AMZ1: variants seen among roughly 807,000 people sequenced by gnomAD.
The protein encoded by AMZ1 is archaelysin family metallopeptidase 1, also known as archaemetzincin-1.
In AMZ1, 39 loss-of-function variants were observed where a neutral mutation model predicts 29.9. The observed-to-expected ratio is 1.30, with a 90% CI of 1.01 to 1.70. The LOEUF (loss-of-function observed/expected upper bound fraction) is 1.70, where lower values mean the gene tolerates loss of function less well. AMZ1 is among the 40% of genes most tolerant of loss of function. The pLI, the probability that AMZ1 is intolerant of heterozygous loss-of-function variation, is 0.00. For missense variants in AMZ1, 1,041 were observed against 680.6 expected, an observed-to-expected ratio of 1.53 and a Z score of -5.89; for synonymous variants, 458 against 304.0, an observed-to-expected ratio of 1.51 and a Z score of -5.27.
At chr7:2,730,980 T>C (rs1789859735) in intron 4 of AMZ1, 1 of 532,254 alleles carries the variant, frequency 1.9e-6, no homozygotes, top group East Asian at 2.9e-5. Flanking sequence ...GCCCCCAGGA[T>C]TCAGTAGCTA....
intron 4 of AMZ1, among the ~76,000 whole-genome samples, chr7:2,726,879 G>T (rs1429586558): frequency 2.0e-5 from 3 of 152,182 alleles, no homozygotes; most frequent in Admixed American, 6.5e-5. Context: ...GATAACCCCA[G>T]GGGTTGTGAG....
downstream of AMZ1, among the ~76,000 whole-genome samples, chr7:2,720,268 C>T (rs1182907204): frequency 1.3e-5 from 2 of 152,216 alleles, no homozygotes; most frequent in African/African-American, 2.4e-5. Context: ...TTTAAAACAC[C>T]TGTCAAATGA....
In AMZ1 at chr7:2,700,544, G is replaced by C; in HGVS notation, c.93G>C (p.Leu31=). Residue 31 remains leucine, a synonymous_variant, in exon 2 of 7, where the codon CTG becomes CTC. Coordinates refer to ENST00000683327, the MANE Select transcript of AMZ1 (RefSeq NM_001384743.1). ...LVSTDAALQQ[L]YVSAFSPAER... ...CCACTGACGCAGCCCTGCAGCAGCT[G>C]TATGTGTCCGCCTTCTCCCCTGCCG... 1.9e-6 allele frequency: 3 copies of C among 1,609,370 alleles called. No homozygotes were observed. The highest frequency in any genetic ancestry group is 2.5e-6 in the Non-Finnish European group (3 of 1,179,924).
intron 6 of AMZ1, among the ~76,000 whole-genome samples, chr7:2,710,818 G>A (rs2115177651): frequency 6.6e-6 from 1 of 152,334 alleles, no homozygotes; most frequent in African/African-American, 2.4e-5. Flanking sequence ...CATCTCCCGA[G>A]GGTACAGGTG....
intron 3 of AMZ1, among the ~76,000 whole-genome samples, chr7:2,705,999 C>T (rs1788331931): frequency 6.6e-6 from 1 of 152,214 alleles, no homozygotes; most frequent in African/African-American, 2.4e-5. Context: ...CCACAAGGGT[C>T]ACTCCAGGGC....
intron 4 of AMZ1, among the ~76,000 whole-genome samples, chr7:2,757,820 A>G (rs911052086): frequency 2.0e-5 from 3 of 152,158 alleles, no homozygotes; most frequent in Non-Finnish European, 4.4e-5. Flanking sequence ...ACGCTTGCTG[A>G]GTCAATGAAG....
At chr7:2,721,756 C>A (rs995219688), downstream of AMZ1, among the ~76,000 whole-genome samples, 3 of 151,070 alleles carry the variant, frequency 2.0e-5, no homozygotes, top group Non-Finnish European at 4.4e-5. Flanking sequence ...GTGCCACACT[C>A]AGGGGCCCCC....
rs993744868 is a variant in AMZ1, at chr7:2,718,018, TCA to T, written c.*5141_*5142del. Among the ~76,000 whole-genome samples, 1 of 152,146 alleles carries T rather than the reference TCA, an allele frequency of 6.6e-6. No individual in the cohort carries two copies. The highest frequency in any genetic ancestry group is 1.5e-5 in the Non-Finnish European group (1 of 68,004). ...TCCCCCGGCGGCTCCACAATGGCCC[TCA>T]GAGGGTCCGCGGCAGCCAGGCCCGT... On this transcript the variant is annotated 3_prime_UTR_variant, in exon 7 of 7. Coordinates refer to ENST00000683327, the MANE Select transcript of AMZ1 (RefSeq NM_001384743.1).
intron 1 of AMZ1, among the ~76,000 whole-genome samples, chr7:2,693,595 GC>G (rs1787533728): frequency 2.0e-5 from 3 of 151,968 alleles, no homozygotes; most frequent in Admixed American, 2.0e-4. Context: ...TTGCTCTGTG[GC>G]CCAGACTGGA....
chr7:2,735,553 C>G (rs1358923995), intron 4 of AMZ1, among the ~76,000 whole-genome samples: 4 of 152,168 alleles, frequency 2.6e-5, no homozygotes, highest in Non-Finnish European at 5.9e-5. Flanking sequence ...ACAGGAGGGA[C>G]GTTTCCCTCG....
chr7:2,753,967 G>A (rs962003998), intron 4 of AMZ1, among the ~76,000 whole-genome samples: 6 of 152,100 alleles, frequency 3.9e-5, no homozygotes, highest in Non-Finnish European at 7.3e-5. Flanking sequence ...GCGCATCTTA[G>A]GTGCTTTGTT....
At position 2,712,602 on chromosome 7, in the gene AMZ1, T is replaced by C. The variant is rs773162277; in HGVS notation, c.1221T>C (p.His407=). The C allele has an allele frequency of 9.3e-6, 15 of 1,612,602 alleles. No individual in the cohort carries two copies. In the East Asian group the frequency reaches 2.9e-4, roughly 31 times the overall value. Reference sequence around the variant, plus strand: ...GCCCTGCGGAGGCCATCAAGGAGCATGAACGGTGGCTGGCCATGTGCATCC... The same window carrying C: ...GCCCTGCGGAGGCCATCAAGGAGCACGAACGGTGGCTGGCCATGTGCATCC... ...PGGPAEAIKE[H]ERWLAMCIQA... Residue 407 remains histidine, a synonymous_variant, in exon 7 of 7, where the codon CAT becomes CAC. Coordinates refer to ENST00000683327, the MANE Select transcript of AMZ1 (RefSeq NM_001384743.1).
At chr7:2,684,970 C>T (rs938805491), upstream of AMZ1, among the ~76,000 whole-genome samples, 5 of 151,204 alleles carry the variant, frequency 3.3e-5, no homozygotes, top group African/African-American at 7.3e-5. Context: ...CCCAGGTTCA[C>T]GCCATTCTCC....
At chr7:2,742,422 C>G (rs1177931073) in intron 4 of AMZ1, among the ~76,000 whole-genome samples, 1 of 152,146 alleles carries the variant, frequency 6.6e-6, no homozygotes, top group Non-Finnish European at 1.5e-5. Context: ...CCAGTCAGTG[C>G]CACTCCATGC....
chr7:2,683,011 G>T (rs1786941775), intron 1 of AMZ1, among the ~76,000 whole-genome samples: 2 of 152,360 alleles, frequency 1.3e-5, no homozygotes, highest in Non-Finnish European at 2.9e-5. Context: ...TTGGAGCAGG[G>T]CTGAGCTGCA....
At chr7:2,692,215 ATC>A (rs1231385997) in intron 1 of AMZ1, among the ~76,000 whole-genome samples, 6 of 152,194 alleles carry the variant, frequency 3.9e-5, no homozygotes, top group African/African-American at 1.4e-4. Flanking sequence ...GACCACACCC[ATC>A]TCACAGGGAG....
chr7:2,745,724 C>G (rs970272248), intron 4 of AMZ1, among the ~76,000 whole-genome samples: 11 of 152,144 alleles, frequency 7.2e-5, no homozygotes, highest in Non-Finnish European at 1.3e-4. Context: ...CACAGACTGG[C>G]AAATTGGATA....
Position 2,700,237 on chromosome 7 carries a change from G to A in AMZ1, c.-215G>A. 1.7e-6 allele frequency: 1 copy of A among 599,818 alleles called. No individual in the cohort carries two copies. Among genetic ancestry groups the A allele is most frequent in the Non-Finnish European group, 2.9e-6 (1 of 340,826 alleles). The allele number at this position is 599,818 out of a possible 1,614,324, so 37.2% of individuals were successfully genotyped here. A position where few individuals can be genotyped will look rare whatever the true frequency, so the allele number is the denominator to read the frequency against. The stretch of plus-strand genomic sequence containing the variant: ...CCCCTGTTCGTGTCATCCACAGGGT[G>A]CTGTGGGCCCAGAAGCGCCCATGCC... On this transcript the variant is annotated 5_prime_UTR_variant, in exon 2 of 7. Transcript: ENST00000683327.
At chr7:2,693,748 G>A (rs1787544767) in intron 1 of AMZ1, among the ~76,000 whole-genome samples, 2 of 152,186 alleles carry the variant, frequency 1.3e-5, no homozygotes, top group East Asian at 1.9e-4. Flanking sequence ...GTAGAGACAG[G>A]GTTTCACCGT....
Sources: allele counts gnomAD v4.1 joint callset (sites outside exome capture counted in the v4.1 genomes callset), GRCh38; gene constraint gnomAD v4.1.1; transcripts MANE v1.5; gene names NCBI Gene and HGNC (gene_info 2026-07-23, HGNC 2026-07-21).